Variants in FOXP1 observed in about 807,000 individuals in gnomAD.
The protein encoded by FOXP1 is forkhead box P1, also known as forkhead box protein P1.
FOXP1 carries 15 observed loss-of-function variants against 98.2 expected under a neutral mutation model. The observed-to-expected ratio is 0.15, with a 90% CI of 0.10 to 0.24. The LOEUF is 0.24. FOXP1 is among the 10% of genes least tolerant of loss of function. The pLI, the probability that FOXP1 is intolerant of heterozygous loss-of-function variation, is 1.00. For missense variants in FOXP1, 633 were observed against 848.5 expected (o/e 0.75, Z 3.15); for synonymous variants, 371 against 314.5 (o/e 1.18, Z -1.90).
intron 3 of FOXP1, among the ~76,000 whole-genome samples, chr3:71,385,685 T>C (rs1015686501): frequency 6.6e-6 from 1 of 152,168 alleles, no homozygotes; most frequent in Non-Finnish European, 1.5e-5. Context: ...TATACAAACA[T>C]GAATATGTAT....
intron 4 of FOXP1, among the ~76,000 whole-genome samples, chr3:71,300,581 C>A (rs1210300741): frequency 1.3e-5 from 2 of 152,160 alleles, no homozygotes; most frequent in Non-Finnish European, 2.9e-5. Flanking sequence ...TCTGCATACT[C>A]CCGTATGCAA....
At chr3:71,554,512 T>C (rs2045987403) in intron 2 of FOXP1, among the ~76,000 whole-genome samples, 1 of 152,222 alleles carries the variant, frequency 6.6e-6, no homozygotes, top group South Asian at 2.1e-4. Context: ...GTTGACTTAA[T>C]TTGTTGTTTG....
At chr3:71,554,676 A>C (rs573491177) in intron 2 of FOXP1, among the ~76,000 whole-genome samples, 1 of 152,360 alleles carries the variant, frequency 6.6e-6, no homozygotes, top group South Asian at 2.1e-4. Context: ...AAAGTTATCA[A>C]TCCTCTTTTT....
At chr3:71,554,078 C>A (rs1055407189) in intron 2 of FOXP1, among the ~76,000 whole-genome samples, 1 of 152,102 alleles carries the variant, frequency 6.6e-6, no homozygotes, top group Non-Finnish European at 1.5e-5. Context: ...CTGGATACAG[C>A]GGCTCACACC....
chr3:71,169,795 A>G (rs1230833267), intron 6 of FOXP1, among the ~76,000 whole-genome samples: 2 of 152,128 alleles, frequency 1.3e-5, no homozygotes, highest in South Asian at 2.1e-4. Context: ...AAAAAAAAAA[A>G]AAAAGATTTT....
intron 3 of FOXP1, among the ~76,000 whole-genome samples, chr3:71,450,160 G>C (rs2086808619): frequency 6.6e-6 from 1 of 152,336 alleles, no homozygotes; most frequent in East Asian, 1.9e-4. Flanking sequence ...CTGCGTATTA[G>C]AGTCAATGTG....
intron 5 of FOXP1, among the ~76,000 whole-genome samples, chr3:71,269,614 T>C (rs1023496181): frequency 2.6e-5 from 4 of 152,198 alleles, no homozygotes; most frequent in African/African-American, 9.7e-5. Flanking sequence ...AACATGTAAG[T>C]AAATCAAAGC....
intron 11 of FOXP1, 57 bp from the exon 12 acceptor site, chr3:71,015,710 C>A: frequency 8.0e-7 from 1 of 1,250,724 alleles, no homozygotes; most frequent in Non-Finnish European, 1.2e-6. Flanking sequence ...AACCATTCCA[C>A]CAGACGAGGA....
intron 6 of FOXP1, among the ~76,000 whole-genome samples, chr3:71,166,713 T>G (rs565480111): frequency 1.3e-5 from 2 of 152,256 alleles, no homozygotes; most frequent in African/African-American, 4.8e-5. Context: ...TGCTGCAAAA[T>G]AAACTACTTT....
intron 7 of FOXP1, among the ~76,000 whole-genome samples, chr3:71,066,376 G>C (rs1038379066): frequency 2.0e-5 from 3 of 152,190 alleles, no homozygotes; most frequent in African/African-American, 7.2e-5. Context: ...ACCCTAAAGT[G>C]TTTTTGTGTC....
At chr3:71,583,746 C>T (rs1006066323), upstream of FOXP1, 1 of 985,578 alleles carries the variant, frequency 1.0e-6, no homozygotes, top group African/African-American at 1.7e-5. Flanking sequence ...AACCGCCACA[C>T]AATAAATAAC....
intron 5 of FOXP1, among the ~76,000 whole-genome samples, chr3:71,231,925 T>C (rs953449357): frequency 1.3e-5 from 2 of 152,244 alleles, no homozygotes; most frequent in African/African-American, 4.8e-5. Flanking sequence ...CCACATCCAT[T>C]TCCTGGGTGA....
chr3:71,141,281 A>G (rs1034210320), intron 6 of FOXP1, among the ~76,000 whole-genome samples: 9 of 151,366 alleles, frequency 5.9e-5, no homozygotes, highest in South Asian at 2.1e-4. Flanking sequence ...AAAAAAAAAA[A>G]AAAAAGAAAC....
chr3:70,999,297 C>T (rs544811920), intron 13 of FOXP1, among the ~76,000 whole-genome samples: 33 of 152,204 alleles, frequency 2.2e-4, no homozygotes, highest in Admixed American at 1.8e-3. Flanking sequence ...ACCATATTGG[C>T]CAGGCTGGTC....
chr3:71,430,306 A>T (rs1036144924), intron 3 of FOXP1, among the ~76,000 whole-genome samples: 3 of 152,238 alleles, frequency 2.0e-5, no homozygotes, highest in Non-Finnish European at 4.4e-5. Flanking sequence ...CAGTAAAATG[A>T]GCAGGCGCAA....
chr3:71,410,564 G>T (rs2082657547), intron 3 of FOXP1, among the ~76,000 whole-genome samples: 1 of 152,172 alleles, frequency 6.6e-6, no homozygotes, highest in Non-Finnish European at 1.5e-5. Flanking sequence ...GCATCCATGG[G>T]TTTTTTAAAT....
At chr3:71,397,023 T>TATATATAC (rs1553871544) in intron 3 of FOXP1, among the ~76,000 whole-genome samples, 2 of 24,062 alleles carry the variant, frequency 8.3e-5, no homozygotes, top group African/African-American at 1.9e-4. Context: ...TATATATATA[T>TATATATAC]ACATATATAT....
At chr3:71,389,221 G>A (rs2080836122) in intron 3 of FOXP1, among the ~76,000 whole-genome samples, 1 of 124,432 alleles carries the variant, frequency 8.0e-6, no homozygotes, top group African/African-American at 3.0e-5. Context: ...GACTCCATAT[G>A]CTATATCTGT....
Position 71,177,827 on chromosome 3 carries a change from C to T in FOXP1, c.180+20375G>A, listed in dbSNP as rs368413945. Among the ~76,000 whole-genome samples, 16 of 127,970 alleles carry T rather than the reference C, an allele frequency of 1.3e-4. 1 individual carries two copies. The highest frequency in any genetic ancestry group is 4.3e-4 in the African/African-American group (14 of 32,714). 84.0% of individuals were successfully genotyped at this position (127,970 alleles called of 152,430 possible). A position where few individuals can be genotyped will look rare whatever the true frequency, so the allele number is the denominator to read the frequency against. ...ACTAATAATACTGATAGTTTATTTT[C>T]TTTTCTTTCTTTCTTTTTTTTTTTT... On this transcript the variant is annotated intron_variant, in intron 6 of 20. Transcript: ENST00000649528.
Sources: allele counts gnomAD v4.1 joint callset (sites outside exome capture counted in the v4.1 genomes callset), GRCh38; gene constraint gnomAD v4.1.1; transcripts MANE v1.5; gene names NCBI Gene and HGNC (gene_info 2026-07-23, HGNC 2026-07-21).